RIT2: variants seen among roughly 807,000 people sequenced by gnomAD.
RIT2 encodes the protein GTP-binding protein Rit2.
A neutral mutation model predicts 23.7 loss-of-function variants in RIT2; 24 were observed. The observed-to-expected ratio is 1.01, with a 90% CI of 0.73 to 1.43. The LOEUF (loss-of-function observed/expected upper bound fraction) is 1.43, where lower values mean the gene tolerates loss of function less well. Ranked by LOEUF, RIT2 falls within the 40% of genes most tolerant of loss-of-function variation. The pLI is 0.00. For missense variants in RIT2, 236 were observed against 266.9 expected, an observed-to-expected ratio of 0.88 and a Z score of 0.81; for synonymous variants, 107 against 91.1, an observed-to-expected ratio of 1.17 and a Z score of -0.99.
At chr18:42,907,254 A>G (rs1019908544) in intron 4 of RIT2, among the ~76,000 whole-genome samples, 2 of 152,280 alleles carry the variant, frequency 1.3e-5, no homozygotes, top group South Asian at 2.1e-4. Flanking sequence ...AGAGGTCACA[A>G]GAAAAGGGCA....
At chr18:42,784,307 A>C (rs886681859) in intron 4 of RIT2, among the ~76,000 whole-genome samples, 6 of 152,046 alleles carry the variant, frequency 3.9e-5, no homozygotes, top group Admixed American at 2.6e-4. Context: ...AATGAAATGA[A>C]AGATAAAGGC....
In RIT2 at chr18:42,772,298, A is replaced by T. The variant is rs548401158; in HGVS notation, c.427-28578T>A. On this transcript the variant is annotated intron_variant, in intron 4 of 4. Coordinates refer to ENST00000326695, the MANE Select transcript of RIT2 (RefSeq NM_002930.4). The stretch of plus-strand genomic sequence containing the variant: ...ATCTGACACTGGCACACACTTGCTC[A>T]CTGTTCTCAATGGCAATATTTTGAC... 3.9e-5 allele frequency among the ~76,000 whole-genome samples: 6 copies of T among 152,206 alleles called. No homozygotes were observed. The South Asian group carries it at 1.2e-3, about 31-fold the overall frequency.
intron 4 of RIT2, among the ~76,000 whole-genome samples, chr18:42,854,869 C>A (rs1907142601): frequency 6.6e-6 from 1 of 152,100 alleles, no homozygotes; most frequent in South Asian, 2.1e-4. Context: ...CTGCAGGACC[C>A]AACTTAAAAT....
chr18:42,885,823 A>G (rs1245760018), intron 4 of RIT2, among the ~76,000 whole-genome samples: 1 of 152,182 alleles, frequency 6.6e-6, no homozygotes, highest in African/African-American at 2.4e-5. Flanking sequence ...TGTGATTCTG[A>G]TTTAAAAATT....
chr18:42,794,048 A>G (rs1392423613), intron 4 of RIT2, among the ~76,000 whole-genome samples: 1 of 152,056 alleles, frequency 6.6e-6, no homozygotes, highest in Non-Finnish European at 1.5e-5. Context: ...TGTGCTCCCA[A>G]GTTCACTATT....
intron 4 of RIT2, among the ~76,000 whole-genome samples, chr18:42,895,088 A>C (rs1240853665): frequency 6.6e-6 from 1 of 152,200 alleles, no homozygotes; most frequent in African/African-American, 2.4e-5. Context: ...TATGATAAGA[A>C]ATTAATTAAA....
intron 4 of RIT2, among the ~76,000 whole-genome samples, chr18:42,812,040 C>T (rs1266467040): frequency 2.0e-5 from 3 of 152,036 alleles, no homozygotes; most frequent in Non-Finnish European, 4.4e-5. Flanking sequence ...TATAAATATG[C>T]AAGATGTATG....
chr18:42,815,025 C>G (rs1254853907), intron 4 of RIT2, among the ~76,000 whole-genome samples: 1 of 152,140 alleles, frequency 6.6e-6, no homozygotes, highest in African/African-American at 2.4e-5. Context: ...TGAACAACAG[C>G]CTTCAGCCCT....
At chr18:42,820,943 A>G (rs1162115527) in intron 4 of RIT2, among the ~76,000 whole-genome samples, 2 of 152,138 alleles carry the variant, frequency 1.3e-5, no homozygotes, top group Non-Finnish European at 2.9e-5. Context: ...GACTCTCCCC[A>G]TGGTATTGAA....
intron 4 of RIT2, among the ~76,000 whole-genome samples, chr18:42,828,995 G>A (rs1356804783): frequency 6.6e-5 from 10 of 152,186 alleles, no homozygotes; most frequent in Admixed American, 6.5e-4. Flanking sequence ...TTTTCTGGCA[G>A]GGCACAGGTG....
rs150969366 is a variant in RIT2, at chr18:42,960,146, C to T, written c.234+13928G>A. Among the ~76,000 whole-genome samples, 665 of 152,268 alleles carry T rather than the reference C, an allele frequency of 4.4e-3. 3 individuals carry two copies. The highest frequency in any genetic ancestry group is 0.015 in the African/African-American group (628 of 41,558). On this transcript the variant is annotated intron_variant, in intron 3 of 4. Transcript: ENST00000326695. ...AGGATCTTCATAAAGGGCTACTTTT[C>T]TCGGCATCATCTTAGAAGAGAATTA...
At chr18:42,757,508 T>C (rs1288154549) in intron 4 of RIT2, among the ~76,000 whole-genome samples, 1 of 152,196 alleles carries the variant, frequency 6.6e-6, no homozygotes, top group East Asian at 1.9e-4. Flanking sequence ...AAAAGAAGGA[T>C]GAACTAGAAC....
intron 2 of RIT2, among the ~76,000 whole-genome samples, chr18:43,029,915 C>T (rs1010537467): frequency 6.6e-6 from 1 of 151,950 alleles, no homozygotes; most frequent in Non-Finnish European, 1.5e-5. Context: ...ACCACTAGAA[C>T]ACCTTTGATT....
chr18:42,778,471 C>T (rs1389174862), intron 4 of RIT2, among the ~76,000 whole-genome samples: 1 of 152,014 alleles, frequency 6.6e-6, no homozygotes, highest in African/African-American at 2.4e-5. Flanking sequence ...CACTTATACT[C>T]CATATAAAAT....
intron 1 of RIT2, among the ~76,000 whole-genome samples, chr18:43,070,095 T>A (rs944030619): frequency 1.3e-5 from 2 of 152,144 alleles, no homozygotes; most frequent in Non-Finnish European, 2.9e-5. Context: ...GGAAAGTATG[T>A]TTATGGAAAT....
At chr18:43,042,828 T>A (rs1218884380) in intron 1 of RIT2, among the ~76,000 whole-genome samples, 1 of 152,178 alleles carries the variant, frequency 6.6e-6, no homozygotes, top group Non-Finnish European at 1.5e-5. Flanking sequence ...GTATGTTTAA[T>A]GGTGACAACA....
chr18:42,792,577 T>G (rs1052739983), intron 4 of RIT2, among the ~76,000 whole-genome samples: 7 of 152,182 alleles, frequency 4.6e-5, no homozygotes, highest in African/African-American at 1.7e-4. Flanking sequence ...ATTCTCTAAT[T>G]TAATCCACAG....
intron 4 of RIT2, among the ~76,000 whole-genome samples, chr18:42,898,669 T>G (rs559088069): frequency 1.2e-4 from 19 of 152,284 alleles, no homozygotes; most frequent in African/African-American, 4.6e-4. Flanking sequence ...CTTTAAGCAT[T>G]TTTTCCTGCT....
intron 4 of RIT2, among the ~76,000 whole-genome samples, chr18:42,827,936 C>T (rs941694874): frequency 8.3e-5 from 11 of 132,510 alleles, no homozygotes; most frequent in Middle Eastern, 9.5e-3. Flanking sequence ...ACCCGGGAGG[C>T]GGAGCTTGCA....
Sources: gnomAD v4.1 joint callset for allele counts (sites outside exome capture counted in the v4.1 genomes callset) on GRCh38, gnomAD v4.1.1 for gene constraint, MANE v1.5 for transcripts, NCBI Gene and HGNC (gene_info 2026-07-23, HGNC 2026-07-21) for gene names.